Variants in RARB observed in about 807,000 individuals in gnomAD.
The protein encoded by RARB is retinoic acid receptor beta.
Under a neutral mutation model 51.9 loss-of-function variants are expected in RARB, and 17 were observed. The ratio of observed to expected loss-of-function variants is 0.33; its 90% confidence interval spans 0.22 to 0.49. RARB has a LOEUF of 0.49. RARB is among the 20% of genes least tolerant of loss of function. RARB has a pLI of 0.99. For missense variants in RARB, 369 were observed against 550.8 expected (o/e 0.67, Z 3.30); for synonymous variants, 215 against 195.4 (o/e 1.10, Z -0.84).
chr3:25,298,205 C>T (rs1383437722), intron 5 of RARB, among the ~76,000 whole-genome samples: 10 of 143,402 alleles, frequency 7.0e-5, no homozygotes, highest in Middle Eastern at 3.6e-3. Context: ...TTTTTTGAGA[C>T]GGAATCTCGC....
intron 2 of RARB, among the ~76,000 whole-genome samples, chr3:25,474,718 C>T (rs28639833): frequency 0.11 from 16,454 of 152,092 alleles, 1,754 homozygotes; most frequent in African/African-American, 0.28. Flanking sequence ...AATACCAAAA[C>T]GTAGAAAGAG....
chr3:24,829,335 G>C (rs564976156), upstream of RARB, among the ~76,000 whole-genome samples: 204 of 151,924 alleles, frequency 1.3e-3, 1 homozygote, highest in African/African-American at 4.2e-3. Context: ...GCTCTCAGCG[G>C]CGGCGGCAGG....
At chr3:25,035,261 A>G (rs1401194397) in intron 2 of RARB, among the ~76,000 whole-genome samples, 1 of 152,016 alleles carries the variant, frequency 6.6e-6, no homozygotes, top group Non-Finnish European at 1.5e-5. Flanking sequence ...AGCTGGGACT[A>G]CAAGCACATG....
At chr3:25,266,428 A>G (rs954716162) in intron 5 of RARB, among the ~76,000 whole-genome samples, 1 of 152,084 alleles carries the variant, frequency 6.6e-6, no homozygotes, top group African/African-American at 2.4e-5. Context: ...TCAATTATTT[A>G]TTGGAGTTTT....
At chr3:25,316,379 A>G (rs1483840) in intron 5 of RARB, among the ~76,000 whole-genome samples, 86,694 of 151,838 alleles carry the variant, frequency 0.57, 25,104 homozygotes, top group East Asian at 0.88. Flanking sequence ...ACATGCAATA[A>G]GGCCAAATTA....
intron 5 of RARB, among the ~76,000 whole-genome samples, chr3:25,268,637 G>A (rs934460258): frequency 6.6e-6 from 1 of 152,082 alleles, no homozygotes; most frequent in African/African-American, 2.4e-5. Context: ...TTCCTGGGAG[G>A]CTCCTGCCTC....
chr3:25,156,017 G>A (rs997123270), intron 4 of RARB, among the ~76,000 whole-genome samples: 4 of 152,138 alleles, frequency 2.6e-5, no homozygotes, highest in African/African-American at 9.7e-5. Context: ...CTTTTTCTCT[G>A]TGTGCTTGAT....
chr3:25,487,084 G>A (rs951655153), intron 2 of RARB, among the ~76,000 whole-genome samples: 4 of 152,074 alleles, frequency 2.6e-5, no homozygotes, highest in South Asian at 2.1e-4. Flanking sequence ...CTTTTGTGCT[G>A]GGATGGTGAT....
intron 5 of RARB, among the ~76,000 whole-genome samples, chr3:25,193,740 G>T (rs1701160157): frequency 6.6e-6 from 1 of 151,836 alleles, no homozygotes; most frequent in Non-Finnish European, 1.5e-5. Context: ...GTAGATTGTT[G>T]TTTTTCAGAG....
At chr3:25,305,547 T>C (rs1159858630) in intron 5 of RARB, among the ~76,000 whole-genome samples, 1 of 152,084 alleles carries the variant, frequency 6.6e-6, no homozygotes, top group Non-Finnish European at 1.5e-5. Flanking sequence ...GGTTGAAAAG[T>C]TGTCTTGAGA....
rs540924545 is a variant in RARB at position 25,078,665 on chromosome 3, G to C, written c.-328+18489G>C. 2.0e-5 allele frequency among the ~76,000 whole-genome samples: 3 copies of C among 151,938 alleles called. No individual in the cohort carries two copies. In the South Asian group the frequency reaches 6.2e-4, roughly 32 times the overall value. On this transcript the variant is annotated intron_variant, in intron 3 of 11. Transcript: ENST00000383772. ...GATTCTCCTGCCTCACCCAGTAGCTGGGATTACAGGCATCCGCCACCACGC... is the reference window on the plus strand; with the variant it reads ...GATTCTCCTGCCTCACCCAGTAGCTCGGATTACAGGCATCCGCCACCACGC...
At chr3:25,582,871 A>C (rs1471146901) in intron 5 of RARB, among the ~76,000 whole-genome samples, 1 of 152,188 alleles carries the variant, frequency 6.6e-6, no homozygotes, top group Non-Finnish European at 1.5e-5. Context: ...GCAAATCAAC[A>C]AGGCATTAAA....
intron 5 of RARB, among the ~76,000 whole-genome samples, chr3:25,235,272 G>A (rs1316781530): frequency 6.6e-6 from 1 of 152,134 alleles, no homozygotes; most frequent in African/African-American, 2.4e-5. Context: ...AGTAGAGGGA[G>A]TGGTTTCTAG....
intron 5 of RARB, among the ~76,000 whole-genome samples, chr3:25,180,043 A>G (rs545890570): frequency 6.6e-6 from 1 of 152,314 alleles, no homozygotes; most frequent in African/African-American, 2.4e-5. Flanking sequence ...AAAGAATATC[A>G]TTCACTTTGA....
chr3:25,178,345 T>C (rs1349053928), intron 5 of RARB, among the ~76,000 whole-genome samples: 1 of 152,098 alleles, frequency 6.6e-6, no homozygotes, highest in African/African-American at 2.4e-5. Flanking sequence ...CTACCATGCA[T>C]TGAGCACATT....
intron 2 of RARB, among the ~76,000 whole-genome samples, chr3:25,016,030 C>A (rs1370535697): frequency 6.6e-6 from 1 of 152,142 alleles, no homozygotes; most frequent in African/African-American, 2.4e-5. Context: ...ATAAGGTCTT[C>A]AGGTCTTTGG....
At chr3:25,527,264 T>C (rs1006361784) in intron 3 of RARB, among the ~76,000 whole-genome samples, 3 of 152,170 alleles carry the variant, frequency 2.0e-5, no homozygotes, top group African/African-American at 4.8e-5. Context: ...ATGGCAAATA[T>C]TTGCAGCTCT....
intron 2 of RARB, among the ~76,000 whole-genome samples, chr3:24,911,413 G>A (rs1694986593): frequency 6.6e-6 from 1 of 152,172 alleles, no homozygotes; most frequent in Admixed American, 6.5e-5. Flanking sequence ...AACCTGGAAT[G>A]AGCTGACATC....
At chr3:25,229,535 C>A (rs1702128801) in intron 5 of RARB, among the ~76,000 whole-genome samples, 1 of 152,002 alleles carries the variant, frequency 6.6e-6, no homozygotes, top group South Asian at 2.1e-4. Flanking sequence ...AGCATTCTAC[C>A]CCAACTGGGT....
Sources: gnomAD v4.1 joint callset for allele counts (sites outside exome capture counted in the v4.1 genomes callset) on GRCh38, gnomAD v4.1.1 for gene constraint, MANE v1.5 for transcripts, NCBI Gene and HGNC (gene_info 2026-07-23, HGNC 2026-07-21) for gene names.